Variants in STK32B observed in about 807,000 individuals in gnomAD.
STK32B encodes the protein serine/threonine-protein kinase 32B.
A neutral mutation model predicts 52.6 loss-of-function variants in STK32B; 43 were observed. The ratio of observed to expected loss-of-function variants is 0.82; its 90% CI spans 0.64 to 1.05. The LOEUF is 1.05. Ranked by LOEUF, STK32B falls within the 50% of genes least tolerant of loss-of-function variation. The pLI is 0.00. For missense variants in STK32B, 621 were observed against 534.6 expected (o/e 1.16, Z -1.59); for synonymous variants, 238 against 204.3 (o/e 1.17, Z -1.41).
chr4:5,334,988 T>C (rs1016555352), intron 4 of STK32B, among the ~76,000 whole-genome samples: 1 of 152,142 alleles, frequency 6.6e-6, no homozygotes, highest in Non-Finnish European at 1.5e-5. Context: ...GATGCTGGCC[T>C]CATAAAATGA....
chr4:5,204,661 G>A (rs914335685), intron 3 of STK32B, among the ~76,000 whole-genome samples: 1 of 151,954 alleles, frequency 6.6e-6, no homozygotes, highest in East Asian at 1.9e-4. Flanking sequence ...GTAGAAATGG[G>A]GTTTCACCAT....
At chr4:5,426,024 T>C (rs764192288) in intron 6 of STK32B, among the ~76,000 whole-genome samples, 1 of 152,338 alleles carries the variant, frequency 6.6e-6, no homozygotes, top group Non-Finnish European at 1.5e-5. Flanking sequence ...CTGAGTTGTT[T>C]ACAGTTTTAC....
chr4:5,188,655 C>G (rs1720932469), intron 3 of STK32B, among the ~76,000 whole-genome samples: 1 of 152,164 alleles, frequency 6.6e-6, no homozygotes, highest in Non-Finnish European at 1.5e-5. Flanking sequence ...TCCTGTGTGG[C>G]TACACTTTCA....
rs1277358218 is a variant in STK32B at position 5,453,243 on chromosome 4, G to GAGAGAGT, written c.667-3562_667-3561insAGAGTAG. Reference sequence around the variant, plus strand: ...GATTAGGGAGAGAGAGAGAGAGAGAGAGTAGCTCATGTGGAGGTCCAGTGG... The same window carrying GAGAGAGT: ...GATTAGGGAGAGAGAGAGAGAGAGAGAGAGAGTAGTAGCTCATGTGGAGGTCCAGTGG... On this transcript the variant is annotated intron_variant, in intron 7 of 11. Transcript: ENST00000282908. The surrounding 1 kb of genome is among the most constrained non-coding windows in gnomAD (Gnocchi z 4.0). 1.3e-5 allele frequency among the ~76,000 whole-genome samples: 2 copies of GAGAGAGT among 151,988 alleles called. No individual in the cohort carries two copies. Among genetic ancestry groups the GAGAGAGT allele is most frequent in the Non-Finnish European group, 2.9e-5 (2 of 67,986 alleles).
At chr4:5,456,951 G>A (rs374592043) in intron 8 of STK32B, 28 bp downstream of exon 8, 172 of 1,470,130 alleles carry the variant, frequency 1.2e-4, no homozygotes, top group Non-Finnish European at 1.5e-4. Flanking sequence ...AGCCTGCCCC[G>A]CCAGGGAGCT....
rs556136803 is a variant in STK32B, at chr4:5,210,343, G to A, written c.260+41893G>A. Among the ~76,000 whole-genome samples, 73 of 151,826 alleles carry A rather than the reference G, an allele frequency of 4.8e-4. No homozygotes were observed. The South Asian group carries it at 0.014, about 28-fold the overall frequency. ...ACCTTCTGCCCTTCCCCATCTCCTC[G>A]GGCCATGCACAACAGCCTGGGCCTG... On this transcript the variant is annotated intron_variant, in intron 3 of 11. Coordinates refer to ENST00000282908, the MANE Select transcript of STK32B (RefSeq NM_018401.3).
At chr4:5,463,948 A>G (rs1717231399) in intron 9 of STK32B, among the ~76,000 whole-genome samples, 2 of 152,216 alleles carry the variant, frequency 1.3e-5, no homozygotes, top group Admixed American at 1.3e-4. Flanking sequence ...GGTAATTTAT[A>G]AAGAAGAGAG....
chr4:5,330,593 T>C (rs1307380512), intron 3 of STK32B, among the ~76,000 whole-genome samples: 1 of 152,228 alleles, frequency 6.6e-6, no homozygotes, highest in Non-Finnish European at 1.5e-5. Context: ...TCAAGGTAGC[T>C]CACTCGCATG....
chr4:5,033,332 C>G, the STK32B span, among the ~76,000 whole-genome samples: 1 of 152,180 alleles, frequency 6.6e-6, no homozygotes, highest in Non-Finnish European at 1.5e-5. Context: ...CCCTGCTTCT[C>G]CCTCCAGGTT....
chr4:5,205,106 G>A (rs563957375), intron 3 of STK32B, among the ~76,000 whole-genome samples: 1 of 152,268 alleles, frequency 6.6e-6, no homozygotes, highest in African/African-American at 2.4e-5. Context: ...TTCTAGAGCA[G>A]GGACATCCAC....
Position 5,159,702 on chromosome 4 carries a change from TATGA to T in STK32B, c.109-8594_109-8591del, listed in dbSNP as rs1181780498. On this transcript the variant is annotated intron_variant, in intron 2 of 11. Coordinates refer to ENST00000282908, the MANE Select transcript of STK32B (RefSeq NM_018401.3). Reference sequence around the variant, plus strand: ...ATATATATGAATATATATGAATATATATGAATATATATATGAATGTATATGAATA... The same window carrying T: ...ATATATATGAATATATATGAATATATATATATATATGAATGTATATGAATA... 6.9e-4 allele frequency among the ~76,000 whole-genome samples: 84 copies of T among 121,510 alleles called. 4 individuals carry two copies. The highest frequency in any genetic ancestry group is 9.2e-4 in the Non-Finnish European group (59 of 63,802). The allele number at this position is 121,510 out of a possible 152,430, so 79.7% of individuals were successfully genotyped here. A position where few individuals can be genotyped will look rare whatever the true frequency, so the allele number is the denominator to read the frequency against.
At chr4:5,238,411 A>T (rs1486773121) in intron 3 of STK32B, among the ~76,000 whole-genome samples, 1 of 151,952 alleles carries the variant, frequency 6.6e-6, no homozygotes, top group African/African-American at 2.4e-5. Context: ...ACATCTTAGA[A>T]TCAGGACCCA....
At chr4:5,034,564 G>A in the STK32B span, among the ~76,000 whole-genome samples, 1 of 152,168 alleles carries the variant, frequency 6.6e-6, no homozygotes, top group South Asian at 2.1e-4. Flanking sequence ...TCCTTTTCAC[G>A]ATGAATCGTA....
intron 4 of STK32B, among the ~76,000 whole-genome samples, chr4:5,383,804 C>G (rs1242446345): frequency 2.6e-5 from 4 of 152,226 alleles, no homozygotes; most frequent in Admixed American, 2.6e-4. Context: ...CCACGCAGCT[C>G]TTTACTGAAT....
At chr4:5,257,963 GAAA>G (rs947972887) in intron 3 of STK32B, among the ~76,000 whole-genome samples, 17 of 151,738 alleles carry the variant, frequency 1.1e-4, no homozygotes, top group Admixed American at 5.3e-4. Flanking sequence ...AAGAAAAAAA[GAAA>G]AAAAACAATA....
the STK32B span, among the ~76,000 whole-genome samples, chr4:5,045,530 T>G: frequency 6.6e-6 from 1 of 152,220 alleles, no homozygotes; most frequent in South Asian, 2.1e-4. Context: ...TGATATTGAT[T>G]CTTCCTATCC....
At chr4:5,406,308 T>C (rs1269179898) in intron 5 of STK32B, among the ~76,000 whole-genome samples, 1 of 152,154 alleles carries the variant, frequency 6.6e-6, no homozygotes, top group African/African-American at 2.4e-5. Context: ...CCTTCACAGG[T>C]TGGCATTGAG....
rs574311131 is a variant in STK32B at position 5,492,821 on chromosome 4, C to T, written c.1107-6124C>T. ...ATTTTGTCAAAGGCCTTTTCTGCAT[C>T]TGTTGAGATAATCATGTGGTTTTTG... On this transcript the variant is annotated intron_variant, in intron 11 of 11. Transcript: ENST00000282908. Among the ~76,000 whole-genome samples, 32 of 151,352 alleles carry T rather than the reference C, an allele frequency of 2.1e-4. No homozygotes were observed. The South Asian group carries it at 6.2e-3, about 29-fold the overall frequency.
chr4:5,443,877 G>T (rs544520520), intron 6 of STK32B, among the ~76,000 whole-genome samples: 14 of 152,318 alleles, frequency 9.2e-5, no homozygotes, highest in East Asian at 3.9e-4. Context: ...GTGTCAGTGT[G>T]CCCCTGCTGG....
Sources: gnomAD v4.1 joint callset for allele counts (sites outside exome capture counted in the v4.1 genomes callset) on GRCh38, gnomAD v4.1.1 for gene constraint, Gnocchi (gnomAD v3.1) non-coding constraint, MANE v1.5 for transcripts, NCBI Gene and HGNC (gene_info 2026-07-23, HGNC 2026-07-21) for gene names.